The following DLG2 variants were observed in gnomAD, a reference collection of about 807,000 sequenced individuals.
DLG2 encodes the protein discs large MAGUK scaffold protein 2, also known as disks large homolog 2.
In DLG2, 45 loss-of-function variants were observed where a neutral mutation model predicts 132.5. The ratio of observed to expected loss-of-function variants is 0.34; its 90% CI spans 0.27 to 0.44. DLG2 has a LOEUF of 0.44. Ranked by LOEUF, DLG2 falls within the 20% of genes least tolerant of loss-of-function variation. The pLI is 1.00. For synonymous variants in DLG2, 424 were observed against 419.6 expected, an observed-to-expected ratio of 1.01 and a Z score of -0.13; for missense variants, 1,045 against 1,196.9, an observed-to-expected ratio of 0.87 and a Z score of 1.87.
At chr11:84,986,412 G>C (rs2056499186) in intron 6 of DLG2, among the ~76,000 whole-genome samples, 1 of 152,080 alleles carries the variant, frequency 6.6e-6, no homozygotes, top group African/African-American at 2.4e-5. Context: ...TAGAGAAAGA[G>C]GGGATCCTCT....
intron 6 of DLG2, among the ~76,000 whole-genome samples, chr11:84,939,085 G>A (rs1240022691): frequency 6.6e-6 from 1 of 151,822 alleles, no homozygotes; most frequent in Non-Finnish European, 1.5e-5. Flanking sequence ...CAAATTTAAT[G>A]ATTACTTATT....
At position 85,275,052 on chromosome 11, in the gene DLG2, A is replaced by G. The variant is rs557429618; in HGVS notation, c.186+10168T>C. On this transcript the variant is annotated intron_variant, in intron 4 of 27. Transcript: ENST00000376104. ...TTCATTCTAAAGGCTCCTATATCAC[A>G]TGAAAATTTTATCAAATAAATTTGT... Among the ~76,000 whole-genome samples, 5 of 152,284 alleles carry G rather than the reference A, an allele frequency of 3.3e-5. No homozygotes were observed. In the South Asian group the frequency reaches 6.2e-4, roughly 19 times the overall value.
intron 3 of DLG2, among the ~76,000 whole-genome samples, chr11:85,482,870 A>T (rs1346832968): frequency 6.6e-6 from 1 of 152,184 alleles, no homozygotes; most frequent in African/African-American, 2.4e-5. Context: ...CTAAGGCTCC[A>T]AGACCACCCC....
At chr11:83,460,821 A>T (rs2089777742) in intron 27 of DLG2, among the ~76,000 whole-genome samples, 1 of 152,152 alleles carries the variant, frequency 6.6e-6, no homozygotes, top group Non-Finnish European at 1.5e-5. Context: ...TCCTACCTGG[A>T]TGTTCTTTTA....
At chr11:83,654,408 C>T (rs2071657603) in intron 18 of DLG2, among the ~76,000 whole-genome samples, 1 of 152,070 alleles carries the variant, frequency 6.6e-6, no homozygotes, top group Admixed American at 6.6e-5. Context: ...TTGTACTTTC[C>T]CATTCATAGT....
chr11:84,925,287 A>C (rs2092934805), intron 6 of DLG2, among the ~76,000 whole-genome samples: 1 of 152,220 alleles, frequency 6.6e-6, no homozygotes, highest in Non-Finnish European at 1.5e-5. Flanking sequence ...GAAACAAGTT[A>C]CAGGTGAAGA....
chr11:83,814,237 C>A (rs2048199000), intron 17 of DLG2, among the ~76,000 whole-genome samples: 1 of 152,118 alleles, frequency 6.6e-6, no homozygotes, highest in African/African-American at 2.4e-5. Context: ...AAAACACCTT[C>A]TTTGATGCAA....
chr11:84,434,867 G>A (rs1177709165), intron 7 of DLG2, among the ~76,000 whole-genome samples: 1 of 147,282 alleles, frequency 6.8e-6, no homozygotes, highest in African/African-American at 2.5e-5. Flanking sequence ...AAGGGCTATG[G>A]TGAGTTCAGG....
At chr11:84,785,931 C>T (rs1053024438) in intron 6 of DLG2, among the ~76,000 whole-genome samples, 4 of 151,834 alleles carry the variant, frequency 2.6e-5, no homozygotes, top group Non-Finnish European at 5.9e-5. Flanking sequence ...CTACCTAAGA[C>T]CTAGAATAAG....
intron 11 of DLG2, among the ~76,000 whole-genome samples, chr11:84,026,945 T>C (rs1309399782): frequency 1.3e-5 from 2 of 152,086 alleles, no homozygotes; most frequent in Non-Finnish European, 2.9e-5. Flanking sequence ...AGAATTATTA[T>C]TTCTATTATA....
At chr11:85,566,042 C>T (rs541099768) in intron 3 of DLG2, among the ~76,000 whole-genome samples, 1 of 152,282 alleles carries the variant, frequency 6.6e-6, no homozygotes, top group Admixed American at 6.5e-5. Flanking sequence ...ATCATAGCCA[C>T]CCAAGTGGGT....
chr11:84,979,076 G>C (rs549863658), intron 6 of DLG2, among the ~76,000 whole-genome samples: 7 of 152,150 alleles, frequency 4.6e-5, no homozygotes, highest in South Asian at 4.1e-4. Flanking sequence ...TCATCACTGG[G>C]TATCAGAGAA....
intron 4 of DLG2, among the ~76,000 whole-genome samples, chr11:85,175,381 T>C (rs562616240): frequency 3.3e-5 from 5 of 152,136 alleles, no homozygotes; most frequent in African/African-American, 9.7e-5. Flanking sequence ...ATTTTCTCAA[T>C]AGACACCAAA....
intron 19 of DLG2, among the ~76,000 whole-genome samples, chr11:83,568,651 C>T (rs1483727484): frequency 6.6e-6 from 1 of 152,018 alleles, no homozygotes; most frequent in Non-Finnish European, 1.5e-5. Context: ...TGAAGACAAC[C>T]AGAGGAAAAT....
intron 3 of DLG2, among the ~76,000 whole-genome samples, chr11:85,424,007 CCCCATGGCCTTTT>C (rs2090522352): frequency 6.6e-6 from 1 of 152,164 alleles, no homozygotes; most frequent in Non-Finnish European, 1.5e-5. Flanking sequence ...ATGGCCATTT[CCCCATGGCCTTTT>C]CCCAGTGCCT....
chr11:84,373,765 A>G (rs945516889), intron 7 of DLG2, among the ~76,000 whole-genome samples: 3 of 152,084 alleles, frequency 2.0e-5, no homozygotes, highest in African/African-American at 7.2e-5. Context: ...TATTTTTAAG[A>G]TGTTCTTAAA....
chr11:85,273,143 T>C (rs531801454), intron 4 of DLG2, among the ~76,000 whole-genome samples: 2 of 152,180 alleles, frequency 1.3e-5, no homozygotes, highest in East Asian at 3.9e-4. Context: ...CCTAAAACCA[T>C]AAAAACCCTA....
intron 3 of DLG2, among the ~76,000 whole-genome samples, chr11:85,554,935 C>T (rs1248641086): frequency 1.3e-5 from 2 of 151,580 alleles, no homozygotes; most frequent in Non-Finnish European, 3.0e-5. Flanking sequence ...GGATCATTTT[C>T]CACACACATA....
At chr11:84,948,231 T>C (rs1166319273) in intron 6 of DLG2, among the ~76,000 whole-genome samples, 1 of 152,242 alleles carries the variant, frequency 6.6e-6, no homozygotes, top group East Asian at 1.9e-4. Context: ...ACTTCTGTTC[T>C]GTTCTGTTTC....
Sources: gnomAD v4.1 joint callset for allele counts (sites outside exome capture counted in the v4.1 genomes callset) on GRCh38, gnomAD v4.1.1 for gene constraint, MANE v1.5 for transcripts, NCBI Gene and HGNC (gene_info 2026-07-23, HGNC 2026-07-21) for gene names.